Variants in ICA1 observed in about 807,000 individuals in gnomAD.
The protein encoded by ICA1 is 69 kDa islet cell autoantigen.
A neutral mutation model predicts 71.0 loss-of-function variants in ICA1; 40 were observed. The observed-to-expected ratio is 0.56, with a 90% confidence interval of 0.44 to 0.73. The LOEUF is 0.73. ICA1 is among the 30% of genes least tolerant of loss of function. ICA1 has a pLI of 0.00. For synonymous variants in ICA1, 207 were observed against 209.5 expected (o/e 0.99, Z 0.10); for missense variants, 578 against 576.5 (o/e 1.00, Z -0.03).
chr7:8,227,829 T>G, intron 4 of ICA1: 1 of 447,940 alleles, frequency 2.2e-6, no homozygotes, highest in Non-Finnish European at 4.5e-6. Flanking sequence ...CAAGTGATCC[T>G]CCTGCCTTGG....
chr7:8,166,183 T>G (rs1026999902), intron 6 of ICA1, among the ~76,000 whole-genome samples: 4 of 152,180 alleles, frequency 2.6e-5, no homozygotes, highest in African/African-American at 9.7e-5. Context: ...AAAACGTAAT[T>G]ATTAATAATG....
In ICA1 at chr7:8,158,253, G is replaced by C. The variant is rs574007105; in HGVS notation, c.705+274C>G. The C allele has an allele frequency of 1.1e-3, 429 of 386,810 alleles. 2 individuals are homozygous for C. Among genetic ancestry groups the C allele is most frequent in the African/African-American group, 8.5e-3 (408 of 48,094 alleles). The allele number at this position is 386,810 out of a possible 1,614,324, so 24.0% of individuals were successfully genotyped here. On this transcript the variant is annotated intron_variant, in intron 7 of 13. Coordinates refer to ENST00000402384, the MANE Select transcript of ICA1 (RefSeq NM_001136020.3). ...CGTACATTAAAAAGAATGGAATTTG[G>C]AAAGGCACGGATGGAGGAGAAAGGC... is the stretch of plus-strand genomic sequence containing the variant.
intron 10 of ICA1, among the ~76,000 whole-genome samples, chr7:8,141,504 C>T (rs1795213329): frequency 6.6e-6 from 1 of 152,240 alleles, no homozygotes; most frequent in South Asian, 2.1e-4. Context: ...CCCATCGTGG[C>T]TGCCCCTCTG....
At chr7:8,190,790 T>C (rs1419858866) in intron 6 of ICA1, among the ~76,000 whole-genome samples, 1 of 152,242 alleles carries the variant, frequency 6.6e-6, no homozygotes, top group African/African-American at 2.4e-5. Context: ...GTGAAGTTTA[T>C]AAATCTAACA....
At chr7:8,165,338 G>A (rs1325045497) in intron 6 of ICA1, among the ~76,000 whole-genome samples, 1 of 152,182 alleles carries the variant, frequency 6.6e-6, no homozygotes, top group Non-Finnish European at 1.5e-5. Context: ...GTGAATGTGT[G>A]TGCACCACAC....
intron 1 of ICA1, among the ~76,000 whole-genome samples, chr7:8,255,306 C>T (rs1809694029): frequency 6.6e-6 from 1 of 152,200 alleles, no homozygotes. Context: ...CACTCAAGTC[C>T]TCATTTCTCA....
At chr7:8,213,855 T>C (rs1481848759) in intron 6 of ICA1, among the ~76,000 whole-genome samples, 1 of 149,994 alleles carries the variant, frequency 6.7e-6, no homozygotes, top group African/African-American at 2.5e-5. Flanking sequence ...ACATATCCTT[T>C]GATAATATGA....
At chr7:8,162,471 C>T (rs1804223623) in intron 6 of ICA1, among the ~76,000 whole-genome samples, 1 of 152,186 alleles carries the variant, frequency 6.6e-6, no homozygotes, top group Admixed American at 6.5e-5. Context: ...CTCTAGAAAA[C>T]ACATTTCCAG....
At chr7:8,192,460 C>T (rs1436294161) in intron 6 of ICA1, among the ~76,000 whole-genome samples, 3 of 152,174 alleles carry the variant, frequency 2.0e-5, no homozygotes, top group Non-Finnish European at 2.9e-5. Context: ...TGGTTAGTCC[C>T]ACCACTAGCG....
chr7:8,114,058 A>C lies in ICA1; in HGVS notation c.1331-14T>G. 6.2e-7 allele frequency: 1 copy of C among 1,614,126 alleles called. No homozygotes were observed. Among genetic ancestry groups the C allele is most frequent in the Non-Finnish European group, 8.5e-7 (1 of 1,179,982 alleles). ...CCTTAGCAGGTTCTGGGGAGAGAAG[A>C]GGAAACATGAGCAAACGCACCTTCC... On this transcript the variant is annotated splice_polypyrimidine_tract_variant and intron_variant, in intron 13 of 13. Transcript: ENST00000402384.
chr7:8,225,573 A>G (rs1430969789), intron 4 of ICA1, among the ~76,000 whole-genome samples: 2 of 152,194 alleles, frequency 1.3e-5, no homozygotes, highest in African/African-American at 4.8e-5. Context: ...TGGGTGCCAG[A>G]TGTACTCACT....
intron 1 of ICA1, among the ~76,000 whole-genome samples, chr7:8,253,332 C>T (rs910877369): frequency 4.6e-5 from 7 of 152,070 alleles, no homozygotes; most frequent in East Asian, 1.9e-4. Flanking sequence ...TTAAAAAGGT[C>T]CAAATCTGTG....
In ICA1 at chr7:8,158,598, C is replaced by T; in HGVS notation, c.634G>A (p.Val212Ile). The T allele has an allele frequency of 6.2e-7, 1 of 1,614,084 alleles. No homozygotes were observed. The highest frequency in any genetic ancestry group is 8.5e-7 in the Non-Finnish European group (1 of 1,179,962). Residue 212 changes from valine (V) to isoleucine (I), a missense_variant, in exon 7 of 14, where the codon GTT (valine) becomes ATT (isoleucine). Val to Ile is a conservative substitution (Grantham distance 29). Coordinates refer to ENST00000402384, the MANE Select transcript of ICA1 (RefSeq NM_001136020.3). ...CCAAGAAGATCCACTTTTTGACAAACATCCATCTTCAATTTGTCAAAGTTT... is the reference window on the plus strand; with the variant it reads ...CCAAGAAGATCCACTTTTTGACAAATATCCATCTTCAATTTGTCAAAGTTT... ...KKNFDKLKMDVCQKVDLLGAS... is the reference protein window; with the variant it reads ...KKNFDKLKMDICQKVDLLGAS...
In ICA1 at chr7:8,239,514, C is replaced by A. The variant is rs1330662756; in HGVS notation, c.-79-3509G>T. On this transcript the variant is annotated intron_variant, in intron 1 of 13. Coordinates refer to ENST00000402384, the MANE Select transcript of ICA1 (RefSeq NM_001136020.3). ...AGATGGGTGATTTCTGCATTTCCAG[C>A]TGAGGTACCTGGTTCATCTCATTGG... 3.9e-5 allele frequency among the ~76,000 whole-genome samples: 6 copies of A among 152,214 alleles called. No homozygotes were observed. The East Asian group carries it at 1.2e-3, about 29-fold the overall frequency.
In ICA1 at chr7:8,138,640, A is replaced by G. The variant is rs555027356; in HGVS notation, c.1060+200T>C. Among the ~76,000 whole-genome samples the G allele has an allele frequency of 1.1e-3, 163 of 152,318 alleles. 1 individual carries two copies. Among genetic ancestry groups the G allele is most frequent in the African/African-American group, 3.6e-3 (151 of 41,556 alleles). On this transcript the variant is annotated intron_variant, in intron 12 of 13. Coordinates refer to ENST00000402384, the MANE Select transcript of ICA1 (RefSeq NM_001136020.3). Reference sequence around the variant, plus strand: ...TAGTAGTTTGAACATTATGAAATTCATTATACTAATGATGATAGGTCTACA... The same window carrying G: ...TAGTAGTTTGAACATTATGAAATTCGTTATACTAATGATGATAGGTCTACA...
rs1432686733 is a variant in ICA1 at position 8,127,912 on chromosome 7, A to C, written c.1291T>G (p.Leu431Val). 1 of 1,614,234 alleles carries C rather than the reference A, an allele frequency of 6.2e-7. No homozygotes were observed. The highest frequency in any genetic ancestry group is 1.3e-5 in the African/African-American group (1 of 75,056). Residue 431 changes from leucine to valine, a missense_variant, in exon 13 of 14, where the codon TTA becomes GTA. Leu to Val is a conservative substitution (Grantham distance 32). Transcript: ENST00000402384. ...TGSGFLPSQLLDQNMKDLQAS... is the reference protein window; with the variant it reads ...TGSGFLPSQLVDQNMKDLQAS... ...TGTAAGTCTTTCATATTTTGGTCTA[A>C]AAGCTGCGAAGGAAGGAAACCTGAG...
At position 8,218,445 on chromosome 7, in the gene ICA1, G is replaced by A. The variant is rs761524154; in HGVS notation, c.439C>T (p.Arg147Trp). 9 of 1,613,934 alleles carry A rather than the reference G, an allele frequency of 5.6e-6. No homozygotes were observed. Among genetic ancestry groups the A allele is most frequent in the African/African-American group, 2.7e-5 (2 of 74,902 alleles). The change falls in exon 6 of 14, where the codon CGG (arginine) becomes TGG (tryptophan). Residue 147 changes from arginine (R) to tryptophan (W), a missense_variant. Arg to Trp is a moderately radical substitution (Grantham distance 101, BLOSUM62 -3). Coordinates refer to ENST00000402384, the MANE Select transcript of ICA1 (RefSeq NM_001136020.3). ...GTCAGCCAAGTATCTGAGATGGCCC[G>A]ATGCCGAAAAGTCTCCACTTCTTGG... ...FHQEVETFRH[R>W]AISDTWLTVN...
At chr7:8,228,345 C>G (rs919467492) in intron 4 of ICA1, among the ~76,000 whole-genome samples, 1 of 151,996 alleles carries the variant, frequency 6.6e-6, no homozygotes, top group Non-Finnish European at 1.5e-5. Context: ...TGAGAAAACT[C>G]TTTTATAATT....
intron 4 of ICA1, among the ~76,000 whole-genome samples, chr7:8,225,026 G>C (rs1159300573): frequency 6.6e-6 from 1 of 152,144 alleles, no homozygotes; most frequent in Non-Finnish European, 1.5e-5. Flanking sequence ...GTATCTGCTG[G>C]GTTTCTCCAC....
Sources: allele counts gnomAD v4.1 joint callset (sites outside exome capture counted in the v4.1 genomes callset), GRCh38; gene constraint gnomAD v4.1.1; transcripts MANE v1.5; gene names NCBI Gene and HGNC (gene_info 2026-07-23, HGNC 2026-07-21).